The following MCF2L2 variants were observed in gnomAD, a reference collection of about 807,000 sequenced individuals.
The protein encoded by MCF2L2 is MCF.2 cell line derived transforming sequence-like 2.
In MCF2L2, 102 loss-of-function variants were observed where a neutral mutation model predicts 150.2. The observed-to-expected ratio is 0.68, with a 90% CI of 0.58 to 0.80. The LOEUF (loss-of-function observed/expected upper bound fraction) is 0.80, where lower values mean the gene tolerates loss of function less well. MCF2L2 is among the 30% of genes least tolerant of loss of function. The probability of loss-of-function intolerance (pLI) is 0.00; values close to 1 mark genes in which losing one functional copy is unlikely to be tolerated. For synonymous variants in MCF2L2, 465 were observed against 491.3 expected (o/e 0.95, Z 0.71); for missense variants, 1,256 against 1,372.8 (o/e 0.91, Z 1.34).
chr3:183,367,817 G>GTGAGAGAAAGCATCATAATACGCA (rs1281480776), intron 3 of MCF2L2, among the ~76,000 whole-genome samples: 2 of 151,762 alleles, frequency 1.3e-5, no homozygotes, highest in Non-Finnish European at 2.9e-5. Flanking sequence ...AGAGAGTGAG[G>GTGAGAGAAAGCATCATAATACGCA]TGAGAGAAAG....
intron 3 of MCF2L2, among the ~76,000 whole-genome samples, chr3:183,362,100 T>C (rs1712243824): frequency 6.9e-6 from 1 of 145,606 alleles, no homozygotes; most frequent in Admixed American, 6.7e-5. Context: ...ATACTTCTTG[T>C]CTCAAGAACT....
rs183243016 is a variant in MCF2L2 at position 183,338,776 on chromosome 3, G to A, written c.486+24C>T. ...TTAGCCAGAAGCCCTAACCAAATGA[G>A]ACAAGATGAAAGGTCTTGCTTACCG... On this transcript the variant is annotated intron_variant, in intron 5 of 29. Transcript: ENST00000328913. 4 of 1,585,336 alleles carry A rather than the reference G, an allele frequency of 2.5e-6. No individual in the cohort carries two copies. In the African/African-American group the frequency reaches 5.4e-5, roughly 21 times the overall value.
intron 1 of MCF2L2, among the ~76,000 whole-genome samples, chr3:183,406,460 T>C (rs769224834): frequency 5.1e-4 from 77 of 152,308 alleles, no homozygotes; most frequent in Middle Eastern, 3.4e-3. Context: ...ACATTCTGGA[T>C]CGAGTCCTTT....
intron 27 of MCF2L2, among the ~76,000 whole-genome samples, chr3:183,190,576 T>C (rs548695078): frequency 6.6e-6 from 1 of 152,340 alleles, no homozygotes; most frequent in Admixed American, 6.5e-5. Flanking sequence ...TACTGGAGCA[T>C]GGATGGCACC....
chr3:183,314,907 CTTTTTTT>C lies in MCF2L2; in HGVS notation c.754-3142_754-3136del, dbSNP rs869078971. Among the ~76,000 whole-genome samples, 16 of 13,806 alleles carry C rather than the reference CTTTTTTT, an allele frequency of 1.2e-3. 2 individuals carry two copies. The highest frequency in any genetic ancestry group is 3.2e-3 in the Admixed American group (2 of 626). 9.1% of individuals were successfully genotyped at this position (13,806 alleles called of 152,430 possible). On this transcript the variant is annotated intron_variant, in intron 7 of 29. Coordinates refer to ENST00000328913, the MANE Select transcript of MCF2L2 (RefSeq NM_015078.4). Reference sequence around the variant, plus strand: ...TAAACAGTATCTCTTTTTTTCTTTTCTTTTTTTTTTTTTTTTTTTTTTTTTTTTTTTT... The same window carrying C: ...TAAACAGTATCTCTTTTTTTCTTTTCTTTTTTTTTTTTTTTTTTTTTTTTT...
intron 3 of MCF2L2, among the ~76,000 whole-genome samples, chr3:183,364,318 C>G (rs989046529): frequency 6.6e-6 from 1 of 151,856 alleles, no homozygotes; most frequent in African/African-American, 2.4e-5. Context: ...AGATCGAGAC[C>G]ATCCTGGCTA....
At chr3:183,361,016 A>AGAGAAGAGAAGAGAAGAGACG in intron 3 of MCF2L2, among the ~76,000 whole-genome samples, 1 of 141,162 alleles carries the variant, frequency 7.1e-6, no homozygotes, top group East Asian at 2.2e-4. Context: ...AAGAAAAGAA[A>AGAGAAGAGAAGAGAAGAGACG]AGAAAAGAGA....
intron 15 of MCF2L2, among the ~76,000 whole-genome samples, chr3:183,249,137 T>C (rs1405817048): frequency 2.0e-5 from 3 of 152,244 alleles, no homozygotes; most frequent in African/African-American, 7.2e-5. Context: ...TACAAAAATG[T>C]CACTCCCTCA....
chr3:183,192,024 T>G (rs1247382824), intron 27 of MCF2L2, among the ~76,000 whole-genome samples: 8 of 149,974 alleles, frequency 5.3e-5, no homozygotes, highest in Non-Finnish European at 1.0e-4. Flanking sequence ...TTTTTTTTTG[T>G]ATTTTTAGTA....
intron 15 of MCF2L2, among the ~76,000 whole-genome samples, chr3:183,248,049 C>CT (rs1488491869): frequency 2.6e-5 from 4 of 152,198 alleles, no homozygotes; most frequent in Non-Finnish European, 5.9e-5. Context: ...CCCTGTGCCC[C>CT]TTTTTGCAGA....
intron 26 of MCF2L2, among the ~76,000 whole-genome samples, chr3:183,193,381 C>T (rs1000916621): frequency 7.3e-6 from 1 of 137,616 alleles, no homozygotes; most frequent in African/African-American, 2.8e-5. Flanking sequence ...GACAGAGTCT[C>T]GCTCTGTTGC....
In MCF2L2 at chr3:183,411,684, C is replaced by A. The variant is rs147901009; in HGVS notation, c.76+16218G>T. On this transcript the variant is annotated intron_variant, in intron 1 of 29. Coordinates refer to ENST00000328913, the MANE Select transcript of MCF2L2 (RefSeq NM_015078.4). ...CACAAAGGATGGCCTGTAGCCATAG[C>A]TGAGAAGTACAGGAAGCCCTGATAA... is the stretch of plus-strand genomic sequence containing the variant. Among the ~76,000 whole-genome samples the A allele has an allele frequency of 2.3e-4, 35 of 151,272 alleles. No homozygotes were observed. In the East Asian group the frequency reaches 6.6e-3, roughly 28 times the overall value.
intron 27 of MCF2L2, among the ~76,000 whole-genome samples, chr3:183,190,391 G>C (rs1168524868): frequency 6.6e-6 from 1 of 152,170 alleles, no homozygotes; most frequent in Non-Finnish European, 1.5e-5. Context: ...GACCCCTCCT[G>C]CTACTAACGG....
chr3:183,357,416 CAA>C (rs1711853219), intron 3 of MCF2L2, among the ~76,000 whole-genome samples: 2 of 152,030 alleles, frequency 1.3e-5, no homozygotes, highest in Non-Finnish European at 2.9e-5. Flanking sequence ...CAAAACAAAA[CAA>C]AAAGAGTCCA....
intron 2 of MCF2L2, among the ~76,000 whole-genome samples, chr3:183,381,431 C>A (rs892365681): frequency 3.9e-5 from 6 of 152,220 alleles, no homozygotes; most frequent in African/African-American, 1.4e-4. Context: ...GATCATCCAG[C>A]CAACTCTCTG....
In MCF2L2 at chr3:183,179,677, G is replaced by A. The variant is rs1167079862; in HGVS notation, c.3121C>T (p.Gln1041Ter). 1.2e-6 allele frequency: 2 copies of A among 1,614,034 alleles called. No homozygotes were observed. Among genetic ancestry groups the A allele is most frequent in the Non-Finnish European group, 1.7e-6 (2 of 1,179,902 alleles). The change falls in exon 29 of 30, where the codon CAG becomes TAG. Residue 1041 changes from glutamine (Q) to a stop codon, truncating the protein, a stop_gained. Coordinates refer to ENST00000328913, the MANE Select transcript of MCF2L2 (RefSeq NM_015078.4). LOFTEE classifies it high-confidence loss of function. This position sits in a 1 kb window ranked among gnomAD's most constrained non-coding sequence, Gnocchi z 4.2. Reference protein sequence around the residue: ...SSALSLAGLFQSDDSHETCSS... With the variant: ...SSALSLAGLF ...CAGGTTTCGTGACTGTCGTCCGACT[G>A]GAAAAGGCCCGCGAGCTGGAAGGGA... is the stretch of plus-strand genomic sequence containing the variant.
At chr3:183,257,660 T>C (rs892945564) in intron 15 of MCF2L2, among the ~76,000 whole-genome samples, 3 of 152,212 alleles carry the variant, frequency 2.0e-5, no homozygotes, top group Admixed American at 6.5e-5. Context: ...CTCTATCAAG[T>C]GTTGCTTCTA....
intron 1 of MCF2L2, 146 bp from the exon 2 acceptor site, chr3:183,389,925 A>G: frequency 1.5e-6 from 1 of 652,826 alleles, no homozygotes; most frequent in Admixed American, 2.4e-5. Flanking sequence ...TGAGAACTTG[A>G]TTGCTGAGAT....
At chr3:183,234,213 G>T (rs1418555786) in intron 15 of MCF2L2, among the ~76,000 whole-genome samples, 1 of 69,298 alleles carries the variant, frequency 1.4e-5, no homozygotes, top group South Asian at 5.3e-4. Flanking sequence ...AGCCTCTTAT[G>T]CCTTCATGAA....
Sources: allele counts gnomAD v4.1 joint callset (sites outside exome capture counted in the v4.1 genomes callset), GRCh38; gene constraint gnomAD v4.1.1; non-coding constraint Gnocchi (gnomAD v3.1); transcripts MANE v1.5; gene names NCBI Gene and HGNC (gene_info 2026-07-23, HGNC 2026-07-21).